The following PLPP4 variants were observed in gnomAD, a reference collection of about 807,000 sequenced individuals.
The protein encoded by PLPP4 is phospholipid phosphatase 4.
In PLPP4, 20 loss-of-function variants were observed where a neutral mutation model predicts 32.2. The ratio of observed to expected loss-of-function variants is 0.62; its 90% CI spans 0.44 to 0.90. The LOEUF is 0.90. Among genes scored for constraint, PLPP4 ranks in the 40% least tolerant of loss-of-function variants. The probability of loss-of-function intolerance (pLI) is 0.00; values close to 1 mark genes in which losing one functional copy is unlikely to be tolerated. For missense variants in PLPP4, 257 were observed against 353.1 expected (o/e 0.73, Z 2.18); for synonymous variants, 127 against 133.0 (o/e 0.95, Z 0.31).
At chr10:120,569,611 G>A (rs890904907) in intron 5 of PLPP4, among the ~76,000 whole-genome samples, 1 of 152,130 alleles carries the variant, frequency 6.6e-6, no homozygotes, top group African/African-American at 2.4e-5. Flanking sequence ...TCCATCATGA[G>A]ATGAAAATCT....
chr10:120,535,124 G>A (rs533763333), intron 5 of PLPP4, among the ~76,000 whole-genome samples: 22 of 152,238 alleles, frequency 1.4e-4, no homozygotes, highest in African/African-American at 5.3e-4. Context: ...TGCAATGAAT[G>A]GCTGGATTAT....
At chr10:120,535,052 T>G (rs1166008667) in intron 5 of PLPP4, among the ~76,000 whole-genome samples, 1 of 152,142 alleles carries the variant, frequency 6.6e-6, no homozygotes, top group Non-Finnish European at 1.5e-5. Context: ...ACCAGCGAAT[T>G]TAGGTAATAG....
chr10:120,481,005 A>G (rs756282058), intron 1 of PLPP4, among the ~76,000 whole-genome samples: 1 of 152,204 alleles, frequency 6.6e-6, no homozygotes, highest in African/African-American at 2.4e-5. Context: ...CTGATTGTAC[A>G]TCTTCCCTTT....
chr10:120,555,505 T>C (rs1848121049), intron 5 of PLPP4, among the ~76,000 whole-genome samples: 1 of 152,204 alleles, frequency 6.6e-6, no homozygotes, highest in African/African-American at 2.4e-5. Context: ...TCAGCATCCA[T>C]ACTTTTTAGT....
At chr10:120,528,445 C>T (rs1330987522) in intron 5 of PLPP4, among the ~76,000 whole-genome samples, 1 of 152,148 alleles carries the variant, frequency 6.6e-6, no homozygotes, top group Admixed American at 6.5e-5. Flanking sequence ...CAACAGGACA[C>T]ATTGGTGGCC....
At chr10:120,457,876 T>C (rs2133760392) in intron 1 of PLPP4, among the ~76,000 whole-genome samples, 2 of 152,262 alleles carry the variant, frequency 1.3e-5, no homozygotes, top group African/African-American at 4.8e-5. Context: ...CTTCTCCTAC[T>C]GAGAAACTGT....
intron 1 of PLPP4, among the ~76,000 whole-genome samples, chr10:120,458,393 C>T (rs116099060): frequency 0.013 from 1,987 of 152,176 alleles, 50 homozygotes; most frequent in African/African-American, 0.044. Flanking sequence ...TTTTTGTTTT[C>T]GTTTCTGGAA....
chr10:120,533,867 A>G (rs750485228), intron 5 of PLPP4, among the ~76,000 whole-genome samples: 16 of 152,062 alleles, frequency 1.1e-4, no homozygotes, highest in African/African-American at 2.4e-4. Context: ...CCTTAGTCCA[A>G]TCCGACTTTG....
chr10:120,515,840 A>G (rs1389179662), intron 3 of PLPP4, among the ~76,000 whole-genome samples: 4 of 152,186 alleles, frequency 2.6e-5, no homozygotes, highest in Non-Finnish European at 4.4e-5. Flanking sequence ...ATGGAGTCTC[A>G]AGATAAGTGA....
intron 5 of PLPP4, among the ~76,000 whole-genome samples, chr10:120,536,067 AG>A (rs1233980577): frequency 1.3e-5 from 2 of 152,160 alleles, no homozygotes; most frequent in African/African-American, 4.8e-5. Context: ...ATGGAAAGAT[AG>A]TTCATGCTTG....
chr10:120,544,780 A>G (rs115675766), intron 5 of PLPP4, among the ~76,000 whole-genome samples: 4,340 of 152,336 alleles, frequency 0.028, 75 homozygotes, highest in Middle Eastern at 0.037. Context: ...CAGAAAACCT[A>G]GGGAAACTTT....
chr10:120,457,897 G>A (rs1589696229), intron 1 of PLPP4, among the ~76,000 whole-genome samples: 1 of 152,224 alleles, frequency 6.6e-6, no homozygotes, highest in Non-Finnish European at 1.5e-5. Context: ...TGCTGTGGAG[G>A]CTTGAGAAGT....
rs147531667 is a variant in PLPP4, at chr10:120,549,031, G to A, written c.446-26100G>A. ...TTTTCTCAAAATTCCAAAATTTTTA[G>A]ATAAAGTACTTCTGATTCTAGACAT... On this transcript the variant is annotated intron_variant, in intron 5 of 6. Coordinates refer to ENST00000398250, the MANE Select transcript of PLPP4 (RefSeq NM_001030059.3). Among the ~76,000 whole-genome samples the A allele has an allele frequency of 1.3e-4, 19 of 151,614 alleles. No individual in the cohort carries two copies. In the East Asian group the frequency reaches 2.5e-3, roughly 20 times the overall value.
intron 5 of PLPP4, among the ~76,000 whole-genome samples, chr10:120,550,241 A>T (rs182865894): frequency 5.3e-5 from 8 of 152,124 alleles, no homozygotes; most frequent in African/African-American, 1.4e-4. Context: ...ATAAACAAAA[A>T]CTGTGAAACC....
In PLPP4 at chr10:120,572,948, T is replaced by G. The variant is rs1367275947; in HGVS notation, c.446-2183T>G. 7.6e-4 allele frequency among the ~76,000 whole-genome samples: 116 copies of G among 152,154 alleles called. 3 individuals are homozygous for G. The highest frequency in any genetic ancestry group is 7.6e-3 in the Admixed American group (116 of 15,284). ...AGTTTCTTCTCACATATTTTTACTTTAAGCAGAATACTTAATATCTATTGG... is the reference window on the plus strand; with the variant it reads ...AGTTTCTTCTCACATATTTTTACTTGAAGCAGAATACTTAATATCTATTGG... On this transcript the variant is annotated intron_variant, in intron 5 of 6. Transcript: ENST00000398250.
At chr10:120,487,697 A>C (rs1029484586) in intron 1 of PLPP4, among the ~76,000 whole-genome samples, 1 of 152,188 alleles carries the variant, frequency 6.6e-6, no homozygotes, top group Admixed American at 6.5e-5. Flanking sequence ...TGGCTTCTCC[A>C]TTGTTTGGGA....
intron 5 of PLPP4, among the ~76,000 whole-genome samples, chr10:120,569,524 T>C (rs888538537): frequency 6.6e-6 from 1 of 152,228 alleles, no homozygotes; most frequent in African/African-American, 2.4e-5. Context: ...GACATTTGCT[T>C]TCAGACTAAT....
intron 5 of PLPP4, among the ~76,000 whole-genome samples, chr10:120,538,568 G>A (rs1263908785): frequency 6.6e-6 from 1 of 152,042 alleles, no homozygotes; most frequent in African/African-American, 2.4e-5. Flanking sequence ...CTTGAACTCT[G>A]CAGTGTCTTC....
intron 5 of PLPP4, among the ~76,000 whole-genome samples, chr10:120,573,010 A>G (rs2134046618): frequency 6.6e-6 from 1 of 152,318 alleles, no homozygotes; most frequent in Admixed American, 6.5e-5. Flanking sequence ...CTAACTCTGA[A>G]ATCCTAGGAC....
Sources: gnomAD v4.1 joint callset for allele counts (sites outside exome capture counted in the v4.1 genomes callset) on GRCh38, gnomAD v4.1.1 for gene constraint, MANE v1.5 for transcripts, NCBI Gene and HGNC (gene_info 2026-07-23, HGNC 2026-07-21) for gene names.